Variants in RHOT1 observed in about 807,000 individuals in gnomAD.
RHOT1 encodes the protein mitochondrial Rho GTPase 1.
In RHOT1, 27 loss-of-function variants were observed where a neutral mutation model predicts 95.3. The ratio of observed to expected loss-of-function variants is 0.28; its 90% CI spans 0.21 to 0.39. The LOEUF is 0.39. Ranked by LOEUF, RHOT1 falls within the 10% of genes least tolerant of loss-of-function variation. RHOT1 has a pLI of 1.00. For synonymous variants in RHOT1, 227 were observed against 263.5 expected, an observed-to-expected ratio of 0.86 and a Z score of 1.34; for missense variants, 578 against 786.7, an observed-to-expected ratio of 0.73 and a Z score of 3.17.
intron 19 of RHOT1, among the ~76,000 whole-genome samples, chr17:32,218,506 GAAAA>G (rs371495186): frequency 9.6e-6 from 1 of 104,512 alleles, no homozygotes; most frequent in Non-Finnish European, 2.0e-5. Context: ...GATCCTGTCT[GAAAA>G]AAAAAAAAAA....
intron 8 of RHOT1, among the ~76,000 whole-genome samples, chr17:32,188,106 C>T (rs900747220): frequency 1.1e-4 from 17 of 152,178 alleles, no homozygotes; most frequent in South Asian, 2.1e-4. Flanking sequence ...CTACTAATTG[C>T]GCTGACACAC....
Position 32,149,635 on chromosome 17 carries a change from A to ATATG in RHOT1, c.37+6907_37+6908insATGT, listed in dbSNP as rs1445281403. Among the ~76,000 whole-genome samples, 391 of 58,730 alleles carry ATATG rather than the reference A, an allele frequency of 6.7e-3. 8 individuals carry two copies. Among genetic ancestry groups the ATATG allele is most frequent in the Non-Finnish European group, 9.3e-3 (271 of 29,040 alleles). 38.5% of individuals were successfully genotyped at this position (58,730 alleles called of 152,430 possible). The stretch of plus-strand genomic sequence containing the variant: ...TATATATATATATATATATATATAT[A>ATATG]TGTGTGTGTGTGTGTGTGTGTGTGT... On this transcript the variant is annotated intron_variant, in intron 1 of 19. Transcript: ENST00000545287.
At chr17:32,201,096 T>C (rs1431866075) in intron 14 of RHOT1, 40 bp downstream of exon 14, 3 of 1,229,644 alleles carry the variant, frequency 2.4e-6, no homozygotes, top group Non-Finnish European at 3.5e-6. Context: ...ATTAGAGATA[T>C]TTTTTAAGAC....
At position 32,202,653 on chromosome 17, in the gene RHOT1, C is replaced by A. The variant is rs73979006; in HGVS notation, c.1202-117C>A. 3.4e-4 allele frequency: 229 copies of A among 680,466 alleles called. No individual in the cohort carries two copies. In the African/African-American group the frequency reaches 3.9e-3, roughly 11 times the overall value. 42.2% of individuals were successfully genotyped at this position (680,466 alleles called of 1,614,324 possible). ...TTGTACAATATGTTTGTTTATAGAT[C>A]AGCTACTTCATAAAAATAATAAGCA... On this transcript the variant is annotated intron_variant, in intron 14 of 19. Transcript: ENST00000545287.
intron 1 of RHOT1, among the ~76,000 whole-genome samples, chr17:32,145,266 T>C (rs1366115452): frequency 6.6e-6 from 1 of 152,112 alleles, no homozygotes; most frequent in Non-Finnish European, 1.5e-5. Context: ...CACCACTGCA[T>C]TCCAACCTGG....
At chr17:32,166,608 C>A (rs898959482) in intron 1 of RHOT1, among the ~76,000 whole-genome samples, 1 of 152,184 alleles carries the variant, frequency 6.6e-6, no homozygotes, top group South Asian at 2.1e-4. Context: ...TGTAATATTC[C>A]AGGTCCTTTG....
Position 32,184,221 on chromosome 17 carries a change from TA to T in RHOT1, c.540+950del, listed in dbSNP as rs1258115972. Among the ~76,000 whole-genome samples the T allele has an allele frequency of 3.9e-5, 6 of 152,268 alleles. No homozygotes were observed. The South Asian group carries it at 1.2e-3, about 32-fold the overall frequency. ...TCACCCCAAAGAGAAACCCTGTACCTATTAGCAGTCACTCCCTATTGTCCCG... is the reference window on the plus strand; with the variant it reads ...TCACCCCAAAGAGAAACCCTGTACCTTTAGCAGTCACTCCCTATTGTCCCG... On this transcript the variant is annotated intron_variant, in intron 8 of 19. Coordinates refer to ENST00000545287, the MANE Select transcript of RHOT1 (RefSeq NM_001033566.3).
At chr17:32,201,975 G>C (rs1208194524) in intron 14 of RHOT1, among the ~76,000 whole-genome samples, 5 of 152,048 alleles carry the variant, frequency 3.3e-5, no homozygotes, top group African/African-American at 7.2e-5. Flanking sequence ...GCAGTGATGA[G>C]ATCTCAACTC....
chr17:32,189,095 G>A (rs2036269586), intron 8 of RHOT1, among the ~76,000 whole-genome samples: 1 of 152,114 alleles, frequency 6.6e-6, no homozygotes, highest in Non-Finnish European at 1.5e-5. Context: ...GTAGGATATC[G>A]AGACCATCCT....
intron 1 of RHOT1, among the ~76,000 whole-genome samples, chr17:32,155,253 G>C (rs1033509390): frequency 1.3e-5 from 2 of 151,650 alleles, no homozygotes; most frequent in African/African-American, 2.4e-5. Context: ...TCCGCCTCCT[G>C]GGTTCACGCC....
At chr17:32,224,352 GA>G (rs1361799033) in intron 19 of RHOT1, among the ~76,000 whole-genome samples, 1 of 152,056 alleles carries the variant, frequency 6.6e-6, no homozygotes, top group Non-Finnish European at 1.5e-5. Context: ...TTTCCTGTGT[GA>G]AAAAAAGTTT....
At position 32,192,289 on chromosome 17, in the gene RHOT1, A is replaced by C. The variant is rs752588151; in HGVS notation, c.629A>C (p.Asn210Thr). The change falls in exon 9 of 20, where the codon AAC becomes ACC. Residue 210 changes from asparagine (N) to threonine (T), a missense_variant. Physicochemically the swap from Asn to Thr is moderately conservative, Grantham distance 65 (BLOSUM62 0). This residue lies in a region of RHOT1 where 227 missense variants were observed against 316.0 expected (regional missense o/e 0.72). Coordinates refer to ENST00000545287, the MANE Select transcript of RHOT1 (RefSeq NM_001033566.3). ...NDGTLNDAEL[N>T]FFQRICFNTP... ...GGTACTCTCAATGATGCTGAACTCA[A>C]CTTCTTTCAGGTAATGGTCCTTTAT... The C allele has an allele frequency of 1.9e-6, 3 of 1,548,900 alleles. No homozygotes were observed. The highest frequency in any genetic ancestry group is 1.8e-6 in the Non-Finnish European group (2 of 1,139,698).
At chr17:32,188,736 T>G (rs528371854) in intron 8 of RHOT1, among the ~76,000 whole-genome samples, 1 of 152,380 alleles carries the variant, frequency 6.6e-6, no homozygotes, top group Admixed American at 6.5e-5. Context: ...AGAAGTTTGA[T>G]TTCTTTCTTA....
chr17:32,170,910 A>G (rs2034521716), intron 1 of RHOT1, 133 bp from the exon 2 acceptor site: 2 of 534,182 alleles, frequency 3.7e-6, no homozygotes, highest in East Asian at 3.3e-5. Context: ...ACTTTTAAGT[A>G]TTATACTAAA....
At chr17:32,187,624 G>T (rs546767387) in intron 8 of RHOT1, among the ~76,000 whole-genome samples, 1 of 151,976 alleles carries the variant, frequency 6.6e-6, no homozygotes, top group Non-Finnish European at 1.5e-5. Flanking sequence ...TCGCTCTGTT[G>T]CCCACGTTGG....
chr17:32,145,427 TA>T (rs1392157938), intron 1 of RHOT1, among the ~76,000 whole-genome samples: 1 of 152,214 alleles, frequency 6.6e-6, no homozygotes, highest in Non-Finnish European at 1.5e-5. Flanking sequence ...ATGGAACTGT[TA>T]TCTTCTTTTA....
At chr17:32,214,894 CTTTTTTTTTTTTTTT>C (rs551151153) in intron 19 of RHOT1, among the ~76,000 whole-genome samples, 3 of 52,836 alleles carry the variant, frequency 5.7e-5, no homozygotes, top group African/African-American at 1.6e-4. Flanking sequence ...AAAGGCTTGT[CTTTTTTTTTTTTTTT>C]TTTTTTTTTT....
chr17:32,174,741 A>G (rs550436558), intron 3 of RHOT1, among the ~76,000 whole-genome samples: 1 of 151,858 alleles, frequency 6.6e-6, no homozygotes, highest in African/African-American at 2.4e-5. Flanking sequence ...CTCTTCAATT[A>G]TTTGCTTTCT....
intron 15 of RHOT1, 157 bp from the exon 16 acceptor site, chr17:32,203,733 A>G (rs2037496950): frequency 1.7e-6 from 1 of 575,780 alleles, no homozygotes; most frequent in South Asian, 2.2e-5. Context: ...GAACTAAGAA[A>G]CATAAAATCA....
Sources: gnomAD v4.1 joint callset for allele counts (sites outside exome capture counted in the v4.1 genomes callset) on GRCh38, gnomAD v4.1.1 for gene constraint, gnomAD v4.1.1 regional missense constraint, MANE v1.5 for transcripts, NCBI Gene and HGNC (gene_info 2026-07-23, HGNC 2026-07-21) for gene names.